Variants in BNIP3L observed in about 807,000 individuals in gnomAD.
BNIP3L encodes the protein BCL2 interacting protein 3 like, also known as BCL2/adenovirus E1B 19 kDa protein-interacting protein 3-like.
In BNIP3L, 10 loss-of-function variants were observed where a neutral mutation model predicts 25.5. That is an observed-to-expected ratio of 0.39 (90% CI 0.24 to 0.67). BNIP3L has a LOEUF of 0.67. BNIP3L is among the 30% of genes least tolerant of loss of function. The probability of loss-of-function intolerance (pLI) is 0.45; values close to 1 mark genes in which losing one functional copy is unlikely to be tolerated. For synonymous variants in BNIP3L, 113 were observed against 101.2 expected, an observed-to-expected ratio of 1.12 and a Z score of -0.70; for missense variants, 215 against 270.9, an observed-to-expected ratio of 0.79 and a Z score of 1.45.
chr8:26,406,125 G>A (rs1397374500), intron 3 of BNIP3L, among the ~76,000 whole-genome samples: 1 of 152,168 alleles, frequency 6.6e-6, no homozygotes, highest in African/African-American at 2.4e-5. Context: ...TATTAAAAGG[G>A]GAGCTATTGG....
At chr8:26,408,858 T>A (rs888203219) in intron 5 of BNIP3L, among the ~76,000 whole-genome samples, 2 of 125,478 alleles carry the variant, frequency 1.6e-5, no homozygotes, top group African/African-American at 6.3e-5. Flanking sequence ...GGGGATAGAG[T>A]GAGACTCCAT....
intron 2 of BNIP3L, among the ~76,000 whole-genome samples, chr8:26,393,671 A>G (rs1806163810): frequency 6.6e-6 from 1 of 151,982 alleles, no homozygotes; most frequent in South Asian, 2.1e-4. Flanking sequence ...GACTGCCTTG[A>G]CCTGGTCACG....
intron 3 of BNIP3L, 185 bp downstream of exon 3, chr8:26,395,487 G>A: frequency 1.7e-6 from 1 of 594,018 alleles, no homozygotes. Context: ...TAAGGATTTT[G>A]GGCCCTGTCA....
At chr8:26,392,239 A>G (rs1377585434) in intron 2 of BNIP3L, among the ~76,000 whole-genome samples, 5 of 149,990 alleles carry the variant, frequency 3.3e-5, no homozygotes, top group Non-Finnish European at 7.4e-5. Flanking sequence ...TTTCAGTGAC[A>G]GCTACACTGT....
chr8:26,406,265 C>T (rs1806497832), intron 3 of BNIP3L, among the ~76,000 whole-genome samples: 1 of 152,140 alleles, frequency 6.6e-6, no homozygotes, highest in South Asian at 2.1e-4. Flanking sequence ...TTCCCAAAAA[C>T]TTTTGGCTAA....
intron 5 of BNIP3L, among the ~76,000 whole-genome samples, chr8:26,409,248 A>G (rs1301369857): frequency 6.6e-6 from 1 of 152,172 alleles, no homozygotes; most frequent in Non-Finnish European, 1.5e-5. Flanking sequence ...TCCTTGATTT[A>G]AACAATTGAG....
intron 3 of BNIP3L, among the ~76,000 whole-genome samples, chr8:26,398,605 G>A (rs1270816475): frequency 3.8e-5 from 5 of 132,232 alleles, no homozygotes; most frequent in African/African-American, 1.2e-4. Context: ...CTAGCAGAAG[G>A]CAAGAAATAA....
rs200425818 is a variant in BNIP3L at position 26,409,103 on chromosome 8, CTGGT to C, written c.611+728_611+731del. Reference sequence around the variant, plus strand: ...CATTGAATAGTTTTTTTTAATGAAACTGGTAGGTTGATTGGTGCTAATTTTTTCC... The same window carrying C: ...CATTGAATAGTTTTTTTTAATGAAACAGGTTGATTGGTGCTAATTTTTTCC... On this transcript the variant is annotated intron_variant, in intron 5 of 5. Coordinates refer to ENST00000380629, the MANE Select transcript of BNIP3L (RefSeq NM_004331.3). Among the ~76,000 whole-genome samples the C allele has an allele frequency of 6.8e-3, 1,028 of 151,696 alleles. 12 individuals are homozygous for C. Among genetic ancestry groups the C allele is most frequent in the African/African-American group, 0.024 (984 of 41,360 alleles).
chr8:26,396,693 T>C (rs1806256279), intron 3 of BNIP3L, among the ~76,000 whole-genome samples: 1 of 151,336 alleles, frequency 6.6e-6, no homozygotes, highest in Admixed American at 6.6e-5. Context: ...GGGAGGACAT[T>C]CAAACCAAAG....
intron 3 of BNIP3L, among the ~76,000 whole-genome samples, chr8:26,403,180 A>G (rs1806429193): frequency 6.6e-6 from 1 of 152,232 alleles, no homozygotes; most frequent in Non-Finnish European, 1.5e-5. Flanking sequence ...GAGTTTGGAA[A>G]GACAGCCTAA....
At chr8:26,403,213 A>G (rs902370694) in intron 3 of BNIP3L, among the ~76,000 whole-genome samples, 1 of 152,196 alleles carries the variant, frequency 6.6e-6, no homozygotes, top group Admixed American at 6.5e-5. Flanking sequence ...ATAACAGTTG[A>G]GTAGGACTTA....
chr8:26,394,720 C>CAT (rs1276153223), intron 2 of BNIP3L, among the ~76,000 whole-genome samples: 2 of 152,086 alleles, frequency 1.3e-5, no homozygotes, highest in African/African-American at 4.8e-5. Context: ...CCACTATACA[C>CAT]ATGGGAGAAT....
Position 26,408,386 on chromosome 8 carries a change from G to A in BNIP3L, c.611+10G>A, listed in dbSNP as rs751442664. ...TGGCTTTGGGGCTAGGGTAAGTACC[G>A]GTCAACTCCTGAAGTTTTTTCCATT... On this transcript the variant is annotated intron_variant, in intron 5 of 5. Coordinates refer to ENST00000380629, the MANE Select transcript of BNIP3L (RefSeq NM_004331.3). The A allele has an allele frequency of 1.1e-4, 173 of 1,601,988 alleles. No individual in the cohort carries two copies. The highest frequency in any genetic ancestry group is 1.4e-4 in the Non-Finnish European group (165 of 1,174,660).
chr8:26,391,187 G>T, intron 1 of BNIP3L, 56 bp from the exon 2 acceptor site: 1 of 1,445,922 alleles, frequency 6.9e-7, no homozygotes, highest in South Asian at 1.4e-5. Flanking sequence ...TCACATCTGT[G>T]TGCACATGAC....
At chr8:26,405,771 G>A (rs1215745773) in intron 3 of BNIP3L, among the ~76,000 whole-genome samples, 2 of 152,202 alleles carry the variant, frequency 1.3e-5, no homozygotes, top group East Asian at 1.9e-4. Context: ...GACCAGGCAC[G>A]GTGGCTCACG....
intron 3 of BNIP3L, among the ~76,000 whole-genome samples, chr8:26,400,527 A>G (rs1392737678): frequency 7.3e-6 from 1 of 136,946 alleles, no homozygotes; most frequent in Admixed American, 7.5e-5. Flanking sequence ...TGTCCAAAAC[A>G]CCAAAAGCAA....
chr8:26,390,505 A>T, intron 1 of BNIP3L: 8 of 985,468 alleles, frequency 8.1e-6, no homozygotes, highest in Non-Finnish European at 9.6e-6. Context: ...AAGAAAAAAG[A>T]CAAGTTCACA....
intron 3 of BNIP3L, among the ~76,000 whole-genome samples, chr8:26,405,129 T>C (rs1806471272): frequency 6.6e-6 from 1 of 151,658 alleles, no homozygotes; most frequent in Non-Finnish European, 1.5e-5. Flanking sequence ...TCCATCCTCA[T>C]GAAAAAAAAA....
intron 2 of BNIP3L, 27 bp downstream of exon 2, chr8:26,391,453 A>G (rs1806110007): frequency 6.7e-7 from 1 of 1,500,778 alleles, no homozygotes; most frequent in Non-Finnish European, 8.9e-7. Flanking sequence ...TTTTGGTGGA[A>G]TTCAGGAAAC....
Sources: gnomAD v4.1 joint callset for allele counts (sites outside exome capture counted in the v4.1 genomes callset) on GRCh38, gnomAD v4.1.1 for gene constraint, MANE v1.5 for transcripts, NCBI Gene and HGNC (gene_info 2026-07-23, HGNC 2026-07-21) for gene names.